The following BAZ2B variants were observed in gnomAD, a reference collection of about 807,000 sequenced individuals.
BAZ2B encodes bromodomain adjacent to zinc finger domain protein 2B.
A neutral mutation model predicts 246.0 loss-of-function variants in BAZ2B; 91 were observed. The ratio of observed to expected loss-of-function variants is 0.37; its 90% CI spans 0.31 to 0.44. The LOEUF (loss-of-function observed/expected upper bound fraction) is 0.44, where lower values mean the gene tolerates loss of function less well. Among genes scored for constraint, BAZ2B ranks in the 20% least tolerant of loss-of-function variants. The pLI is 1.00. For missense variants in BAZ2B, 2,332 were observed against 2,533.7 expected (o/e 0.92, Z 1.71); for synonymous variants, 855 against 860.0 (o/e 0.99, Z 0.10).
At chr2:159,327,462 G>A (rs1321248807) in intron 34 of BAZ2B, among the ~76,000 whole-genome samples, 1 of 152,082 alleles carries the variant, frequency 6.6e-6, no homozygotes, top group Non-Finnish European at 1.5e-5. Flanking sequence ...CACAACCCCT[G>A]TCACTAACTG....
At chr2:159,501,205 T>TTATATATATTATATATATATTTATA (rs2081757926) in intron 2 of BAZ2B, among the ~76,000 whole-genome samples, 3 of 75,426 alleles carry the variant, frequency 4.0e-5, no homozygotes, top group Non-Finnish European at 8.2e-5. Context: ...ATATATATTT[T>TTATATATATTATATATATATTTATA]TATATATATT....
At chr2:159,368,784 G>A (rs1329495334) in intron 27 of BAZ2B, among the ~76,000 whole-genome samples, 2 of 148,516 alleles carry the variant, frequency 1.3e-5, no homozygotes, top group African/African-American at 5.0e-5. Flanking sequence ...AGTGTCCAGA[G>A]AGGTTATGTA....
At chr2:159,388,741 G>A (rs1394293845) in intron 21 of BAZ2B, among the ~76,000 whole-genome samples, 1 of 152,082 alleles carries the variant, frequency 6.6e-6, no homozygotes, top group Non-Finnish European at 1.5e-5. Flanking sequence ...GGAGGTCACA[G>A]ATTATAAATC....
chr2:159,534,694 C>A (rs2085745356), intron 2 of BAZ2B, among the ~76,000 whole-genome samples: 1 of 151,910 alleles, frequency 6.6e-6, no homozygotes, highest in Admixed American at 6.6e-5. Flanking sequence ...GTGGCGCCCA[C>A]CTCTCAGGTT....
At chr2:159,513,903 TACTC>T (rs148658300) in intron 2 of BAZ2B, among the ~76,000 whole-genome samples, 207 of 152,202 alleles carry the variant, frequency 1.4e-3, no homozygotes, top group Non-Finnish European at 2.6e-3. Context: ...TACCTCCTCT[TACTC>T]TCTCTCTCCA....
intron 1 of BAZ2B, among the ~76,000 whole-genome samples, chr2:159,609,806 T>TA (rs5835754): frequency 1.8e-3 from 254 of 143,264 alleles, no homozygotes; most frequent in African/African-American, 3.4e-3. Context: ...GGTAGATCAA[T>TA]AAAAAAAAAA....
chr2:159,497,657 G>A (rs1009444550), intron 2 of BAZ2B, among the ~76,000 whole-genome samples: 1 of 152,110 alleles, frequency 6.6e-6, no homozygotes, highest in Non-Finnish European at 1.5e-5. Context: ...AGATCCTTAA[G>A]GCTGGGGGCC....
intron 15 of BAZ2B, 53 bp downstream of exon 15, chr2:159,404,969 A>C (rs1320624243): frequency 6.2e-7 from 1 of 1,611,070 alleles, no homozygotes; most frequent in African/African-American, 1.3e-5. Context: ...GAAAACTCTT[A>C]TGAATTCCCC....
At chr2:159,593,726 C>T (rs1321488613) in intron 1 of BAZ2B, among the ~76,000 whole-genome samples, 2 of 152,168 alleles carry the variant, frequency 1.3e-5, no homozygotes, top group African/African-American at 4.8e-5. Flanking sequence ...TGTTAGTCAC[C>T]TAATAGTTGT....
intron 2 of BAZ2B, among the ~76,000 whole-genome samples, chr2:159,493,318 C>T (rs1045625911): frequency 1.3e-5 from 2 of 152,206 alleles, no homozygotes; most frequent in African/African-American, 4.8e-5. Context: ...ACAGCTATCA[C>T]ATCATTATAG....
chr2:159,441,192 A>G (rs939597578), intron 6 of BAZ2B, among the ~76,000 whole-genome samples: 6 of 152,222 alleles, frequency 3.9e-5, no homozygotes, highest in African/African-American at 9.7e-5. Flanking sequence ...AAAAGAAATA[A>G]GAGAGCTACA....
At chr2:159,657,243 T>C in the BAZ2B span, among the ~76,000 whole-genome samples, 1 of 152,318 alleles carries the variant, frequency 6.6e-6, no homozygotes, top group African/African-American at 2.4e-5. Context: ...GAAAGGACTA[T>C]CCTTTCTACA....
At chr2:159,628,564 TG>T in the BAZ2B span, among the ~76,000 whole-genome samples, 1 of 152,270 alleles carries the variant, frequency 6.6e-6, no homozygotes, top group East Asian at 1.9e-4. Flanking sequence ...AAAGAAGCAA[TG>T]GGGAAAGGAT....
chr2:159,662,834 T>TTAAA, the BAZ2B span, among the ~76,000 whole-genome samples: 1 of 152,062 alleles, frequency 6.6e-6, no homozygotes, highest in Non-Finnish European at 1.5e-5. Context: ...GCCCAGCCCT[T>TTAAA]ACTTTCGGTT....
At chr2:159,675,627 C>T in the BAZ2B span, among the ~76,000 whole-genome samples, 5 of 152,194 alleles carry the variant, frequency 3.3e-5, no homozygotes, top group Non-Finnish European at 7.3e-5. Context: ...AATGATTCTC[C>T]AGATTTCCCC....
the BAZ2B span, among the ~76,000 whole-genome samples, chr2:159,637,092 A>G: frequency 6.6e-6 from 1 of 152,220 alleles, no homozygotes; most frequent in Non-Finnish European, 1.5e-5. Context: ...TACTGGCTTC[A>G]GGTGGGACCC....
chr2:159,627,150 A>C, the BAZ2B span, among the ~76,000 whole-genome samples: 20,967 of 152,122 alleles, frequency 0.14, 1,660 homozygotes, highest in East Asian at 0.36. Context: ...GACCAATAAC[A>C]AGTTTTGAAA....
chr2:159,591,850 C>G (rs1689463294), intron 1 of BAZ2B, among the ~76,000 whole-genome samples: 1 of 152,182 alleles, frequency 6.6e-6, no homozygotes, highest in Non-Finnish European at 1.5e-5. Flanking sequence ...TTACTTTAAA[C>G]TCTTTCTTTA....
At chr2:159,323,379 G>C (rs2062980617) in intron 36 of BAZ2B, among the ~76,000 whole-genome samples, 1 of 152,062 alleles carries the variant, frequency 6.6e-6, no homozygotes, top group African/African-American at 2.4e-5. Context: ...TCCAGGAATT[G>C]GAAGATCATG....
Sources: allele counts gnomAD v4.1 joint callset (sites outside exome capture counted in the v4.1 genomes callset), GRCh38; gene constraint gnomAD v4.1.1; transcripts MANE v1.5; gene names NCBI Gene and HGNC (gene_info 2026-07-23, HGNC 2026-07-21).